The following ZBTB7C variants were observed in gnomAD, a reference collection of about 807,000 sequenced individuals.
ZBTB7C encodes the protein zinc finger and BTB domain-containing protein 7C.
ZBTB7C carries 8 observed loss-of-function variants against 25.7 expected under a neutral mutation model. The observed-to-expected ratio is 0.31, with a 90% CI of 0.18 to 0.56. The LOEUF (loss-of-function observed/expected upper bound fraction) is 0.56, where lower values mean the gene tolerates loss of function less well. Ranked by LOEUF, ZBTB7C falls within the 20% of genes least tolerant of loss-of-function variation. The probability of loss-of-function intolerance (pLI) is 0.91; values close to 1 mark genes in which losing one functional copy is unlikely to be tolerated. For missense variants in ZBTB7C, 824 were observed against 855.2 expected, an observed-to-expected ratio of 0.96 and a Z score of 0.46; for synonymous variants, 394 against 369.0, an observed-to-expected ratio of 1.07 and a Z score of -0.78.
At chr18:48,350,073 TTTTC>T (rs2046829114) in intron 1 of ZBTB7C, among the ~76,000 whole-genome samples, 1 of 152,156 alleles carries the variant, frequency 6.6e-6, no homozygotes, top group Non-Finnish European at 1.5e-5. Context: ...TTAAAAACTG[TTTTC>T]TTTGTTTATT....
At chr18:48,156,911 T>A (rs2040857218) in intron 3 of ZBTB7C, among the ~76,000 whole-genome samples, 5 of 152,080 alleles carry the variant, frequency 3.3e-5, no homozygotes, top group African/African-American at 1.2e-4. Flanking sequence ...ATTAGGGGTC[T>A]CTCTGGCTGC....
chr18:48,368,610 A>C (rs2047310227), intron 1 of ZBTB7C, among the ~76,000 whole-genome samples: 1 of 152,198 alleles, frequency 6.6e-6, no homozygotes. Flanking sequence ...CAGACATAAC[A>C]AACTTAAAGA....
In ZBTB7C at chr18:48,115,923, C is replaced by A. The variant is rs193223880; in HGVS notation, c.-17+70011G>T. On this transcript the variant is annotated intron_variant, in intron 3 of 4. Coordinates refer to ENST00000590800, the MANE Select transcript of ZBTB7C (RefSeq NM_001318841.2). ...CGGGGCATACCATGGAGGAGGGAGA[C>A]CAAGGGCCTCGAAGTACTTTGAGTC... Among the ~76,000 whole-genome samples, 8 of 152,060 alleles carry A rather than the reference C, an allele frequency of 5.3e-5. No homozygotes were observed. In the East Asian group the frequency reaches 1.5e-3, roughly 29 times the overall value.
rs1221147901 is a variant in ZBTB7C, at chr18:48,409,246, G to GCGCGCCTCC, written c.-333_-325dup. 2.7e-5 allele frequency: 4 copies of GCGCGCCTCC among 149,566 alleles called. No individual in the cohort carries two copies. The highest frequency in any genetic ancestry group is 9.8e-5 in the African/African-American group (4 of 41,022). 9.3% of individuals were successfully genotyped at this position (149,566 alleles called of 1,614,324 possible). Reference sequence around the variant, plus strand: ...CTCACCTCCGCGCGCCGCCGGCCCTGCGCGCCTCCCGCACTTGGCTCCGGG... The same window carrying GCGCGCCTCC: ...CTCACCTCCGCGCGCCGCCGGCCCTGCGCGCCTCCCGCGCCTCCCGCACTTGGCTCCGGG... On this transcript the variant is annotated 5_prime_UTR_variant, in exon 1 of 5. Transcript: ENST00000590800.
At chr18:48,221,221 G>A (rs1169107094) in intron 2 of ZBTB7C, among the ~76,000 whole-genome samples, 1 of 144,928 alleles carries the variant, frequency 6.9e-6, no homozygotes, top group East Asian at 2.1e-4. Flanking sequence ...TACTATCCTT[G>A]TCTCCTCTAT....
At chr18:48,129,366 A>AC (rs2039913394) in intron 3 of ZBTB7C, among the ~76,000 whole-genome samples, 1 of 151,938 alleles carries the variant, frequency 6.6e-6, no homozygotes, top group African/African-American at 2.4e-5. Flanking sequence ...AAAAAAAAAA[A>AC]AAACCACATA....
intron 3 of ZBTB7C, among the ~76,000 whole-genome samples, chr18:48,130,639 G>A (rs2039958880): frequency 6.6e-6 from 1 of 152,134 alleles, no homozygotes; most frequent in Non-Finnish European, 1.5e-5. Context: ...TTCAGCAGCA[G>A]AAGCCCCCTT....
In ZBTB7C at chr18:48,180,132, C is replaced by CTTCT. The variant is rs1555709153; in HGVS notation, c.-17+5801_-17+5802insAGAA. The stretch of plus-strand genomic sequence containing the variant: ...CTTCCTTTCCTTCCTTCCTTCCTTC[C>CTTCT]TTCCTTCCTTCCTTCTTTCCCTCCC... On this transcript the variant is annotated intron_variant, in intron 3 of 4. Transcript: ENST00000590800. 2.2e-5 allele frequency among the ~76,000 whole-genome samples: 3 copies of CTTCT among 134,068 alleles called. No homozygotes were observed. The Admixed American group carries it at 2.3e-4, about 10-fold the overall frequency. 88.0% of individuals were successfully genotyped at this position (134,068 alleles called of 152,430 possible). A position where few individuals can be genotyped will look rare whatever the true frequency, so the allele number is the denominator to read the frequency against.
intron 2 of ZBTB7C, among the ~76,000 whole-genome samples, chr18:48,195,369 T>A (rs2042293828): frequency 6.6e-6 from 1 of 152,190 alleles, no homozygotes; most frequent in African/African-American, 2.4e-5. Context: ...GGGGCGGGTT[T>A]TCCCCTGCTA....
At chr18:48,281,377 T>C (rs946005324) in intron 2 of ZBTB7C, among the ~76,000 whole-genome samples, 1 of 152,122 alleles carries the variant, frequency 6.6e-6, no homozygotes, top group Non-Finnish European at 1.5e-5. Context: ...ACCTAGGCAT[T>C]ACCATTCAGG....
chr18:48,207,197 T>C (rs1403693244), intron 2 of ZBTB7C, among the ~76,000 whole-genome samples: 1 of 152,172 alleles, frequency 6.6e-6, no homozygotes, highest in Non-Finnish European at 1.5e-5. Context: ...AACTGGGCTC[T>C]CTTCAATGAC....
At chr18:48,139,175 G>A (rs1465483112) in intron 3 of ZBTB7C, among the ~76,000 whole-genome samples, 5 of 152,128 alleles carry the variant, frequency 3.3e-5, no homozygotes, top group Non-Finnish European at 5.9e-5. Context: ...TGTCAGGTGC[G>A]GGAGTGGAGG....
intron 3 of ZBTB7C, among the ~76,000 whole-genome samples, chr18:48,168,386 G>A (rs2041344277): frequency 6.6e-6 from 1 of 152,184 alleles, no homozygotes; most frequent in East Asian, 1.9e-4. Context: ...CAAGTTATAA[G>A]GGGGAAAAGT....
chr18:48,103,387 A>T (rs977663962), intron 3 of ZBTB7C, among the ~76,000 whole-genome samples: 2 of 152,132 alleles, frequency 1.3e-5, no homozygotes, highest in Non-Finnish European at 2.9e-5. Flanking sequence ...TGGCCCCTCC[A>T]GGATCCAGAA....
At chr18:48,233,302 A>G (rs912897931) in intron 2 of ZBTB7C, among the ~76,000 whole-genome samples, 1 of 152,208 alleles carries the variant, frequency 6.6e-6, no homozygotes, top group East Asian at 1.9e-4. Context: ...GCAAGATGCC[A>G]GCACCTTGAT....
intron 2 of ZBTB7C, among the ~76,000 whole-genome samples, chr18:48,209,167 C>G (rs1271566555): frequency 2.6e-5 from 4 of 152,188 alleles, no homozygotes; most frequent in African/African-American, 9.7e-5. Context: ...CTCTCTGATG[C>G]CAAGGAGGCA....
intron 1 of ZBTB7C, among the ~76,000 whole-genome samples, chr18:48,385,714 C>T (rs989533689): frequency 2.6e-5 from 4 of 152,192 alleles, no homozygotes; most frequent in East Asian, 1.9e-4. Context: ...TTCCAGCTAG[C>T]GGTTCAGAAA....
At chr18:48,050,923 T>C (rs2036660440) in intron 3 of ZBTB7C, among the ~76,000 whole-genome samples, 1 of 152,158 alleles carries the variant, frequency 6.6e-6, no homozygotes, top group Admixed American at 6.5e-5. Flanking sequence ...GATCCCTGTG[T>C]ACATAAGGAA....
At chr18:48,271,210 T>C (rs758942353) in intron 2 of ZBTB7C, among the ~76,000 whole-genome samples, 9 of 152,048 alleles carry the variant, frequency 5.9e-5, no homozygotes, top group East Asian at 1.9e-4. Context: ...TCTCAGAGAA[T>C]AGAATAAGAA....
Sources: allele counts gnomAD v4.1 joint callset (sites outside exome capture counted in the v4.1 genomes callset), GRCh38; gene constraint gnomAD v4.1.1; transcripts MANE v1.5; gene names NCBI Gene and HGNC (gene_info 2026-07-23, HGNC 2026-07-21).